The following ESCO1 variants were observed in gnomAD, a reference collection of about 807,000 sequenced individuals.
The protein encoded by ESCO1 is establishment of sister chromatid cohesion N-acetyltransferase 1.
A neutral mutation model predicts 83.5 loss-of-function variants in ESCO1; 33 were observed. That is an observed-to-expected ratio of 0.40 (90% CI 0.30 to 0.53). The LOEUF (loss-of-function observed/expected upper bound fraction) is 0.53, where lower values mean the gene tolerates loss of function less well. Ranked by LOEUF, ESCO1 falls within the 20% of genes least tolerant of loss-of-function variation. The probability of loss-of-function intolerance (pLI) is 0.63; values close to 1 mark genes in which losing one functional copy is unlikely to be tolerated. For synonymous variants in ESCO1, 332 were observed against 324.3 expected (o/e 1.02, Z -0.25); for missense variants, 855 against 968.0 (o/e 0.88, Z 1.55).
In ESCO1 at chr18:21,568,038, A is replaced by G; in HGVS notation, c.1587T>C (p.Thr529=). ...KLENSPVENV[T]AASTLLSQAK... ...CTTGACTGAGCAGAGTCGAAGCAGC[A>G]GTAACATTTTCCACTGGACTGTTTT... The change falls in exon 5 of 12, where the codon ACT becomes ACC. Residue 529 remains threonine, a synonymous_variant. Coordinates refer to ENST00000269214, the MANE Select transcript of ESCO1 (RefSeq NM_052911.3). 1 of 1,614,018 alleles carries G rather than the reference A, an allele frequency of 6.2e-7. No individual in the cohort carries two copies.
chr18:21,577,477 G>A (rs2038435510), intron 2 of ESCO1, among the ~76,000 whole-genome samples: 1 of 150,652 alleles, frequency 6.6e-6, no homozygotes, highest in African/African-American at 2.4e-5. Context: ...TGGCTAACAT[G>A]GTGAAACCCC....
At chr18:21,550,574 T>C (rs528612734) in intron 8 of ESCO1, among the ~76,000 whole-genome samples, 9 of 152,332 alleles carry the variant, frequency 5.9e-5, no homozygotes, top group African/African-American at 2.2e-4. Flanking sequence ...GATGTAAATC[T>C]CATCTCAAAG....
chr18:21,579,195 T>C (rs1233144958), intron 2 of ESCO1, among the ~76,000 whole-genome samples: 1 of 151,664 alleles, frequency 6.6e-6, no homozygotes, highest in East Asian at 2.0e-4. Context: ...AGTTTCACCA[T>C]GTTGGCCAAG....
chr18:21,554,409 T>A (rs1033300834), intron 8 of ESCO1, among the ~76,000 whole-genome samples: 1 of 152,192 alleles, frequency 6.6e-6, no homozygotes, highest in African/African-American at 2.4e-5. Context: ...ATGGATAAAC[T>A]GTGAAACATC....
At chr18:21,557,705 C>G (rs1408967178) in intron 8 of ESCO1, among the ~76,000 whole-genome samples, 2 of 152,168 alleles carry the variant, frequency 1.3e-5, no homozygotes, top group Admixed American at 6.5e-5. Flanking sequence ...GCCAAGAACA[C>G]ATACATTGTT....
At chr18:21,568,795 C>A (rs546129905) in intron 4 of ESCO1, among the ~76,000 whole-genome samples, 2 of 150,972 alleles carry the variant, frequency 1.3e-5, no homozygotes, top group East Asian at 4.0e-4. Context: ...CCCAGCTACT[C>A]GGGAGGCTGA....
At chr18:21,592,533 G>A (rs2038690822) in intron 1 of ESCO1, among the ~76,000 whole-genome samples, 1 of 146,534 alleles carries the variant, frequency 6.8e-6, no homozygotes. Context: ...CTCCTGGACA[G>A]GGCGGCTGGC....
At chr18:21,578,488 A>AAAGC (rs911357863) in intron 2 of ESCO1, among the ~76,000 whole-genome samples, 3 of 152,066 alleles carry the variant, frequency 2.0e-5, no homozygotes, top group African/African-American at 7.2e-5. Context: ...GAATAGAAAA[A>AAAGC]AAGCACTGGG....
At position 21,537,771 on chromosome 18, in the gene ESCO1, A is replaced by G. The variant is rs577982975; in HGVS notation, c.2044-1586T>C. Among the ~76,000 whole-genome samples the G allele has an allele frequency of 5.3e-5, 8 of 152,342 alleles. 1 individual carries two copies. The East Asian group carries it at 1.5e-3, about 29-fold the overall frequency. The stretch of plus-strand genomic sequence containing the variant: ...TCCTTCTAAGAAAAGTCTGGTTGCC[A>G]TATATGGTAGTGTAGCAAAAGTTCC... On this transcript the variant is annotated intron_variant, in intron 9 of 11. Coordinates refer to ENST00000269214, the MANE Select transcript of ESCO1 (RefSeq NM_052911.3).
chr18:21,546,110 T>C (rs8098135), intron 8 of ESCO1, among the ~76,000 whole-genome samples: 73,620 of 152,090 alleles, frequency 0.48, 21,276 homozygotes, highest in Non-Finnish European at 0.65. Flanking sequence ...CAAACCATTA[T>C]CTTGGCAGTA....
At chr18:21,565,818 G>C (rs1021556314) in intron 6 of ESCO1, among the ~76,000 whole-genome samples, 3 of 151,974 alleles carry the variant, frequency 2.0e-5, no homozygotes, top group Non-Finnish European at 4.4e-5. Flanking sequence ...CCACACTATA[G>C]TCCTAGCTAC....
chr18:21,570,913 C>G (rs2038331657), intron 4 of ESCO1, among the ~76,000 whole-genome samples: 1 of 151,200 alleles, frequency 6.6e-6, no homozygotes, highest in South Asian at 2.1e-4. Flanking sequence ...GGAGGCGGAG[C>G]CTGCAGTGAG....
intron 8 of ESCO1, among the ~76,000 whole-genome samples, chr18:21,544,585 T>C (rs2037948205): frequency 6.6e-6 from 1 of 150,880 alleles, no homozygotes; most frequent in Admixed American, 6.6e-5. Context: ...GCCAAGATCA[T>C]GCCATTGCAC....
chr18:21,584,737 T>G (rs2038550273), intron 1 of ESCO1, among the ~76,000 whole-genome samples: 1 of 152,100 alleles, frequency 6.6e-6, no homozygotes, highest in Non-Finnish European at 1.5e-5. Context: ...GCGTATCACC[T>G]GAGCCCAAGG....
At chr18:21,565,459 C>G (rs1223959804) in intron 6 of ESCO1, among the ~76,000 whole-genome samples, 1 of 152,158 alleles carries the variant, frequency 6.6e-6, no homozygotes, top group African/African-American at 2.4e-5. Context: ...GAAAGTCTGA[C>G]AATGCGGGAT....
chr18:21,546,369 T>C (rs1239031827), intron 8 of ESCO1, among the ~76,000 whole-genome samples: 2 of 150,906 alleles, frequency 1.3e-5, no homozygotes, highest in Non-Finnish European at 3.0e-5. Flanking sequence ...TAGAGCAGCA[T>C]GGTGAAACCC....
chr18:21,560,810 G>A (rs373394081), intron 8 of ESCO1, 49 bp downstream of exon 8: 17 of 1,582,654 alleles, frequency 1.1e-5, no homozygotes, highest in South Asian at 4.8e-5. Flanking sequence ...TTAAGAGACC[G>A]ACCTAATTAT....
At chr18:21,539,088 T>A (rs1333552456) in intron 9 of ESCO1, among the ~76,000 whole-genome samples, 2 of 152,060 alleles carry the variant, frequency 1.3e-5, no homozygotes, top group African/African-American at 4.8e-5. Flanking sequence ...TAAACTTTTA[T>A]GTTTCCGCAT....
chr18:21,590,118 C>T (rs951698734), intron 1 of ESCO1, among the ~76,000 whole-genome samples: 1 of 151,970 alleles, frequency 6.6e-6, no homozygotes, highest in African/African-American at 2.4e-5. Context: ...TGAGCCACTG[C>T]GTCCGGCCGC....
Sources: allele counts gnomAD v4.1 joint callset (sites outside exome capture counted in the v4.1 genomes callset), GRCh38; gene constraint gnomAD v4.1.1; transcripts MANE v1.5; gene names NCBI Gene and HGNC (gene_info 2026-07-23, HGNC 2026-07-21).